Variants in ARHGAP40 observed in about 807,000 individuals in gnomAD.
The protein encoded by ARHGAP40 is Rho GTPase activating protein 40, also known as rho GTPase-activating protein 40.
ARHGAP40 carries 43 observed loss-of-function variants against 73.5 expected under a neutral mutation model. The observed-to-expected ratio is 0.58, with a 90% CI of 0.46 to 0.75. ARHGAP40 has a LOEUF of 0.75. Among genes scored for constraint, ARHGAP40 ranks in the 30% least tolerant of loss-of-function variants. The pLI, the probability that ARHGAP40 is intolerant of heterozygous loss-of-function variation, is 0.00. For synonymous variants in ARHGAP40, 300 were observed against 352.8 expected (o/e 0.85, Z 1.68); for missense variants, 734 against 861.8 (o/e 0.85, Z 1.86).
At chr20:38,649,526 TC>T (rs2089074697) in intron 14 of ARHGAP40, among the ~76,000 whole-genome samples, 1 of 151,972 alleles carries the variant, frequency 6.6e-6, no homozygotes. Flanking sequence ...TACATCTGTG[TC>T]CGTCAGTCAT....
chr20:38,608,993 C>T (rs1465622690), intron 1 of ARHGAP40, among the ~76,000 whole-genome samples: 1 of 152,188 alleles, frequency 6.6e-6, no homozygotes, highest in Non-Finnish European at 1.5e-5. Flanking sequence ...CCTCCCTCTT[C>T]CCCATTTAAG....
At chr20:38,639,137 A>G (rs1357934256) in intron 8 of ARHGAP40, 90 bp from the exon 9 acceptor site, 1 of 1,242,072 alleles carries the variant, frequency 8.1e-7, no homozygotes, top group Non-Finnish European at 1.1e-6. Flanking sequence ...CCCACTTTGC[A>G]GATGAGGAAA....
intron 7 of ARHGAP40, 46 bp from the exon 8 acceptor site, chr20:38,638,715 C>A: frequency 7.8e-7 from 1 of 1,273,892 alleles, no homozygotes; most frequent in Non-Finnish European, 1.0e-6. Context: ...TTGAATCCTG[C>A]TTTTCAGCGG....
intron 6 of ARHGAP40, 93 bp from the exon 7 acceptor site, chr20:38,637,615 G>T (rs781705569): frequency 2.0e-6 from 2 of 1,001,708 alleles, no homozygotes; most frequent in South Asian, 1.3e-5. Context: ...AGGAAAAGGG[G>T]TCTGATTCTA....
At chr20:38,643,776 A>G in exon 11 of ARHGAP40, 1 of 1,305,852 alleles carries the variant, frequency 7.7e-7, no homozygotes, top group Middle Eastern at 2.1e-4. Flanking sequence ...GAATGTTTCC[A>G]CCGTGATGGC....
chr20:38,608,176 G>A (rs1445883156), intron 1 of ARHGAP40, among the ~76,000 whole-genome samples: 1 of 151,868 alleles, frequency 6.6e-6, no homozygotes, highest in African/African-American at 2.4e-5. Flanking sequence ...ATTTCTTACT[G>A]ACTTTGTTCT....
intron 6 of ARHGAP40, 101 bp from the exon 7 acceptor site, chr20:38,637,607 G>T (rs536317829): frequency 4.2e-6 from 4 of 941,640 alleles, no homozygotes; most frequent in African/African-American, 1.7e-5. Context: ...CCTTCCACAG[G>T]AAAAGGGGTC....
At chr20:38,615,045 T>C in intron 1 of ARHGAP40, 1 of 1,004,132 alleles carries the variant, frequency 1.0e-6, no homozygotes, top group Non-Finnish European at 1.6e-6. Context: ...CGGCTTGGCA[T>C]GTGCCTCCTG....
At chr20:38,645,668 G>C (rs932365481) in intron 11 of ARHGAP40, among the ~76,000 whole-genome samples, 2 of 152,086 alleles carry the variant, frequency 1.3e-5, no homozygotes, top group Admixed American at 6.5e-5. Context: ...GAATCCCCCA[G>C]TGTGGGCTCT....
At chr20:38,630,026 T>C (rs1372552431) in intron 5 of ARHGAP40, among the ~76,000 whole-genome samples, 7 of 151,724 alleles carry the variant, frequency 4.6e-5, no homozygotes, top group Non-Finnish European at 1.0e-4. Flanking sequence ...CCTCCCTCTC[T>C]CCCTCCCTCC....
chr20:38,646,041 G>A lies in ARHGAP40; in HGVS notation c.1570-6G>A. On this transcript the variant is annotated splice_polypyrimidine_tract_variant and splice_region_variant and intron_variant, in intron 11 of 14. Coordinates refer to ENST00000373345, the Ensembl canonical transcript of ARHGAP40. This position sits in a 1 kb window ranked among gnomAD's most constrained non-coding sequence, Gnocchi z 4.5. ...CCCCTGCCAAAACTTGATCCTTTCT[G>A]GCCAGGTCGCCTCTTTCCTGGTCGC... 14 of 1,302,124 alleles carry A rather than the reference G, an allele frequency of 1.1e-5. No individual in the cohort carries two copies. The highest frequency in any genetic ancestry group is 1.4e-5 in the Non-Finnish European group (14 of 987,628). The allele number at this position is 1,302,124 out of a possible 1,614,324, so 80.7% of individuals were successfully genotyped here.
intron 9 of ARHGAP40, among the ~76,000 whole-genome samples, chr20:38,641,175 A>G (rs186187740): frequency 6.6e-6 from 1 of 152,210 alleles, no homozygotes; most frequent in African/African-American, 2.4e-5. Flanking sequence ...TCTGTCTCCT[A>G]CGCAGCTCTT....
At chr20:38,643,859 G>A in exon 11 of ARHGAP40, 2 of 1,305,356 alleles carry the variant, frequency 1.5e-6, no homozygotes, top group Non-Finnish European at 2.0e-6. Context: ...TGGCAGAAGG[G>A]GCAGCCGAGG....
chr20:38,631,304 TAAAAAAA>T (rs35575772), intron 5 of ARHGAP40, among the ~76,000 whole-genome samples: 2 of 87,570 alleles, frequency 2.3e-5, no homozygotes, highest in African/African-American at 8.5e-5. Flanking sequence ...GAGCAAGACC[TAAAAAAA>T]AAAAAAAAAA....
At chr20:38,634,042 G>A (rs2088957974) in intron 5 of ARHGAP40, among the ~76,000 whole-genome samples, 1 of 152,176 alleles carries the variant, frequency 6.6e-6, no homozygotes, top group African/African-American at 2.4e-5. Flanking sequence ...ATATCCATTA[G>A]GTCATTTGCT....
At chr20:38,634,637 A>G (rs2088961573) in exon 6 of ARHGAP40, 1 of 1,305,444 alleles carries the variant, frequency 7.7e-7, no homozygotes. Flanking sequence ...CCGTCCCCAA[A>G]GGCAGACTTG....
intron 3 of ARHGAP40, among the ~76,000 whole-genome samples, chr20:38,627,505 CTGTGTGTTGGTA>C (rs940922257): frequency 1.5e-4 from 12 of 78,570 alleles, no homozygotes; most frequent in Non-Finnish European, 8.8e-5. Context: ...ATGTTGGTGT[CTGTGTGTTGGTA>C]TGTGTGTTGG....
chr20:38,648,455 C>T lies in ARHGAP40; in HGVS notation c.1881-188C>T, dbSNP rs78353244. On this transcript the variant is annotated intron_variant, in intron 13 of 14. Coordinates refer to ENST00000373345, the Ensembl canonical transcript of ARHGAP40. ...GCCCTCCAGCTACCTCTCCCCAGCC[C>T]CTGGGTGCTGGACTCTGTCACTGGC... Among the ~76,000 whole-genome samples, 533 of 152,312 alleles carry T rather than the reference C, an allele frequency of 3.5e-3. 2 individuals carry two copies. The highest frequency in any genetic ancestry group is 0.012 in the African/African-American group (488 of 41,570).
At chr20:38,647,090 A>G in exon 13 of ARHGAP40, 1 of 1,305,172 alleles carries the variant, frequency 7.7e-7, no homozygotes, top group Non-Finnish European at 1.0e-6. Flanking sequence ...TCCAAGGGTC[A>G]AGAAGACAGT....
Sources: gnomAD v4.1 joint callset for allele counts (sites outside exome capture counted in the v4.1 genomes callset) on GRCh38, gnomAD v4.1.1 for gene constraint, Gnocchi (gnomAD v3.1) non-coding constraint, MANE v1.5 for transcripts, NCBI Gene and HGNC (gene_info 2026-07-23, HGNC 2026-07-21) for gene names.